Variants in IGF1R observed in about 807,000 individuals in gnomAD.
IGF1R encodes the protein insulin like growth factor 1 receptor, also known as insulin-like growth factor 1 receptor.
IGF1R carries 44 observed loss-of-function variants against 144.6 expected under a neutral mutation model. The ratio of observed to expected loss-of-function variants is 0.30; its 90% CI spans 0.24 to 0.39. The LOEUF (loss-of-function observed/expected upper bound fraction) is 0.39. IGF1R is among the 10% of genes least tolerant of loss of function. The pLI, the probability that IGF1R is intolerant of heterozygous loss-of-function variation, is 1.00. For synonymous variants in IGF1R, 795 were observed against 722.8 expected, an observed-to-expected ratio of 1.10 and a Z score of -1.60; for missense variants, 1,355 against 1,833.7, an observed-to-expected ratio of 0.74 and a Z score of 4.77.
Position 98,922,320 on chromosome 15 carries a change from A to G in IGF1R, c.2374A>G (p.Asn792Asp). ...TAACAAGGAGAGAACTGTCATTTCT[A>G]ACCTTCGGCCTTTCACATTGTACCG... is the stretch of plus-strand genomic sequence containing the variant. ...VDNKERTVIS[N>D]LRPFTLYRID... Residue 792 changes from asparagine to aspartate, a missense_variant, in exon 11 of 21, where the codon AAC (asparagine) becomes GAC (aspartate). Asn to Asp is a conservative substitution (Grantham distance 23). This residue lies in a region of IGF1R where 880 missense variants were observed against 1,202.7 expected (regional missense o/e 0.73). Coordinates refer to ENST00000650285, the MANE Select transcript of IGF1R (RefSeq NM_000875.5). 1.2e-6 allele frequency: 2 copies of G among 1,614,146 alleles called. No individual in the cohort carries two copies.
At chr15:98,687,122 A>G (rs765536438) in intron 1 of IGF1R, among the ~76,000 whole-genome samples, 6 of 152,222 alleles carry the variant, frequency 3.9e-5, no homozygotes, top group Non-Finnish European at 7.3e-5. Flanking sequence ...CTTGTCATTC[A>G]TTTGCCCAGT....
intron 1 of IGF1R, among the ~76,000 whole-genome samples, chr15:98,665,572 A>T (rs1489517810): frequency 6.6e-6 from 1 of 152,194 alleles, no homozygotes; most frequent in Non-Finnish European, 1.5e-5. Flanking sequence ...GAGTGGGACT[A>T]TGTTTCCAGC....
intron 2 of IGF1R, among the ~76,000 whole-genome samples, chr15:98,875,838 C>T (rs1192926920): frequency 2.0e-5 from 3 of 152,146 alleles, no homozygotes; most frequent in Non-Finnish European, 4.4e-5. Context: ...GCGTGACCTC[C>T]TTCAGTTTGG....
intron 2 of IGF1R, among the ~76,000 whole-genome samples, chr15:98,753,266 G>T (rs951832605): frequency 1.3e-5 from 2 of 150,968 alleles, no homozygotes; most frequent in Non-Finnish European, 2.9e-5. Context: ...TCTCAGGCTG[G>T]CGTGCAGTGG....
At chr15:98,922,643 G>A (rs1410751567) in intron 11 of IGF1R, among the ~76,000 whole-genome samples, 1 of 152,250 alleles carries the variant, frequency 6.6e-6, no homozygotes, top group African/African-American at 2.4e-5. Context: ...TCCCAGCTTG[G>A]TCTCTCCATA....
At chr15:98,728,451 C>T (rs778741902) in intron 2 of IGF1R, among the ~76,000 whole-genome samples, 1 of 152,242 alleles carries the variant, frequency 6.6e-6, no homozygotes, top group Non-Finnish European at 1.5e-5. Flanking sequence ...ACATCACCTC[C>T]CAGCAAGAGG....
intron 1 of IGF1R, among the ~76,000 whole-genome samples, chr15:98,701,422 C>T (rs983263957): frequency 6.1e-5 from 9 of 148,570 alleles, no homozygotes; most frequent in Non-Finnish European, 1.0e-4. Flanking sequence ...CTGCAAGCTC[C>T]GCCTCCCGGG....
intron 2 of IGF1R, among the ~76,000 whole-genome samples, chr15:98,724,292 TA>T (rs1342926655): frequency 2.0e-5 from 3 of 152,192 alleles, no homozygotes; most frequent in Non-Finnish European, 4.4e-5. Flanking sequence ...TGATTTGTGT[TA>T]AAGTTTAGGT....
rs114384981 is a variant in IGF1R at position 98,813,683 on chromosome 15, A to G, written c.641-77642A>G. ...ATAGCAGTAAACCCTACATCTTAAA[A>G]TACTTTGAGATTGTCACATACAGTA... On this transcript the variant is annotated intron_variant, in intron 2 of 20. Coordinates refer to ENST00000650285, the MANE Select transcript of IGF1R (RefSeq NM_000875.5). Among the ~76,000 whole-genome samples, 757 of 152,332 alleles carry G rather than the reference A, an allele frequency of 5.0e-3. 8 individuals are homozygous for G. The highest frequency in any genetic ancestry group is 0.017 in the African/African-American group (725 of 41,566).
chr15:98,670,606 G>C (rs1031512464), intron 1 of IGF1R, among the ~76,000 whole-genome samples: 9 of 152,214 alleles, frequency 5.9e-5, no homozygotes, highest in Non-Finnish European at 5.9e-5. Context: ...TGGGGAGGTA[G>C]TAGTGGATGT....
At chr15:98,692,486 G>A (rs2053500644) in intron 1 of IGF1R, among the ~76,000 whole-genome samples, 1 of 152,158 alleles carries the variant, frequency 6.6e-6, no homozygotes, top group African/African-American at 2.4e-5. Context: ...GGGGTTACAG[G>A]CATGAGCCAC....
At chr15:98,862,842 G>T (rs2141587193) in intron 2 of IGF1R, among the ~76,000 whole-genome samples, 1 of 152,276 alleles carries the variant, frequency 6.6e-6, no homozygotes, top group Admixed American at 6.5e-5. Flanking sequence ...CTTGCATAAA[G>T]GTTACAAAGA....
rs148187349 is a variant in IGF1R, at chr15:98,812,151, A to G, written c.641-79174A>G. On this transcript the variant is annotated intron_variant, in intron 2 of 20. Coordinates refer to ENST00000650285, the MANE Select transcript of IGF1R (RefSeq NM_000875.5). ...TCCTTGAGAGACATGACCAGTAGAA[A>G]TCATACCAGGACCGTTTAGCACCCT... Among the ~76,000 whole-genome samples the G allele has an allele frequency of 3.2e-3, 482 of 152,260 alleles. 2 individuals carry two copies. The highest frequency in any genetic ancestry group is 0.011 in the African/African-American group (459 of 41,540).
chr15:98,655,678 C>G lies in IGF1R; in HGVS notation c.94+6003C>G, dbSNP rs577330283. On this transcript the variant is annotated intron_variant, in intron 1 of 20. Coordinates refer to ENST00000650285, the MANE Select transcript of IGF1R (RefSeq NM_000875.5). ...AAATAAAACGAAACAAACTAGTAAG[C>G]AAGCTTAAAATTTTTCTTTTTCCTG... Among the ~76,000 whole-genome samples, 11 of 150,962 alleles carry G rather than the reference C, an allele frequency of 7.3e-5. No individual in the cohort carries two copies. The South Asian group carries it at 2.1e-3, about 29-fold the overall frequency.
intron 18 of IGF1R, among the ~76,000 whole-genome samples, chr15:98,939,887 TG>T (rs1261300020): frequency 2.6e-5 from 4 of 152,314 alleles, no homozygotes; most frequent in African/African-American, 9.6e-5. Context: ...CACTGCTCAC[TG>T]GGTTTCACGG....
At chr15:98,713,443 C>T (rs897702636) in intron 2 of IGF1R, among the ~76,000 whole-genome samples, 3 of 152,124 alleles carry the variant, frequency 2.0e-5, no homozygotes, top group Admixed American at 2.0e-4. Context: ...GAGTACTGAC[C>T]AGAATCATCT....
chr15:98,916,173 C>T (rs1179373926), intron 9 of IGF1R, 42 bp downstream of exon 9: 2 of 1,596,346 alleles, frequency 1.3e-6, no homozygotes, highest in Non-Finnish European at 1.7e-6. Flanking sequence ...TGTGACCGTT[C>T]ATTCCTGTGG....
At chr15:98,807,683 G>T (rs1255897238) in intron 2 of IGF1R, among the ~76,000 whole-genome samples, 1 of 152,226 alleles carries the variant, frequency 6.6e-6, no homozygotes, top group East Asian at 1.9e-4. Flanking sequence ...GCTAATCCCT[G>T]TGAGGAGTTT....
In IGF1R at chr15:98,803,018, C is replaced by A. The variant is rs58751424; in HGVS notation, c.641-88307C>A. 7.4e-3 allele frequency among the ~76,000 whole-genome samples: 1,121 copies of A among 151,992 alleles called. 8 individuals carry two copies. Among genetic ancestry groups the A allele is most frequent in the African/African-American group, 0.026 (1,063 of 41,450 alleles). On this transcript the variant is annotated intron_variant, in intron 2 of 20. Coordinates refer to ENST00000650285, the MANE Select transcript of IGF1R (RefSeq NM_000875.5). ...ATGGTTTCCTGCTGTTTTTTTAAAG[C>A]TGGATTCAGTAACATGAAGGTAATT... is the stretch of plus-strand genomic sequence containing the variant.
Sources: allele counts gnomAD v4.1 joint callset (sites outside exome capture counted in the v4.1 genomes callset), GRCh38; gene constraint gnomAD v4.1.1; regional missense constraint gnomAD v4.1.1; transcripts MANE v1.5; gene names NCBI Gene and HGNC (gene_info 2026-07-23, HGNC 2026-07-21).